LRBA: variants seen among roughly 807,000 people sequenced by gnomAD.
LRBA encodes LPS responsive beige-like anchor protein.
Under a neutral mutation model 330.0 loss-of-function variants are expected in LRBA, and 176 were observed. The observed-to-expected ratio is 0.53, with a 90% CI of 0.47 to 0.60. The LOEUF (loss-of-function observed/expected upper bound fraction) is 0.60. LRBA is among the 20% of genes least tolerant of loss of function. The probability of loss-of-function intolerance (pLI) is 0.00; values close to 1 mark genes in which losing one functional copy is unlikely to be tolerated. For missense variants in LRBA, 3,259 were observed against 3,444.8 expected, an observed-to-expected ratio of 0.95 and a Z score of 1.35; for synonymous variants, 1,230 against 1,193.0, an observed-to-expected ratio of 1.03 and a Z score of -0.64.
intron 36 of LRBA, among the ~76,000 whole-genome samples, chr4:150,703,054 G>A (rs139308480): frequency 5.9e-5 from 9 of 152,254 alleles, no homozygotes; most frequent in African/African-American, 1.2e-4. Context: ...CCAGCTACTC[G>A]GGAGGCTGAG....
chr4:150,383,768 T>C (rs536528330), intron 47 of LRBA, among the ~76,000 whole-genome samples: 12 of 152,132 alleles, frequency 7.9e-5, no homozygotes, highest in Non-Finnish European at 1.8e-4. Flanking sequence ...AAAATGCAAG[T>C]AGCAACTGCT....
intron 37 of LRBA, among the ~76,000 whole-genome samples, chr4:150,671,000 ATGTGTGTGTGTGTGTG>A (rs57937053): frequency 3.7e-5 from 4 of 106,830 alleles, no homozygotes; most frequent in South Asian, 3.5e-4. Flanking sequence ...AACATAGCTG[ATGTGTGTGTGTGTGTG>A]TGTGTGTGTG....
intron 2 of LRBA, among the ~76,000 whole-genome samples, chr4:150,953,968 C>CCGG (rs1737186240): frequency 1.7e-4 from 1 of 5,834 alleles, no homozygotes; most frequent in African/African-American, 2.6e-4. Flanking sequence ...GCGCCTCTGC[C>CCGG]CCGCCACCCC....
At chr4:150,929,086 AC>A (rs1364711890) in intron 2 of LRBA, 21 bp from the exon 3 acceptor site, 3 of 1,459,352 alleles carry the variant, frequency 2.1e-6, no homozygotes, top group Admixed American at 1.7e-5. Flanking sequence ...AAAAAAAAAA[AC>A]ACATTAAAAG....
intron 2 of LRBA, among the ~76,000 whole-genome samples, chr4:150,965,475 T>C (rs1332262954): frequency 1.3e-5 from 2 of 152,200 alleles, no homozygotes; most frequent in Admixed American, 1.3e-4. Context: ...GAAGGATACA[T>C]GAGCTGCTAA....
intron 40 of LRBA, among the ~76,000 whole-genome samples, chr4:150,557,031 C>T (rs1208217866): frequency 6.6e-6 from 1 of 152,124 alleles, no homozygotes; most frequent in Non-Finnish European, 1.5e-5. Flanking sequence ...TAGCATTCTT[C>T]ACTGAAAAGA....
At chr4:150,484,137 T>C (rs1038752885) in intron 42 of LRBA, among the ~76,000 whole-genome samples, 3 of 152,052 alleles carry the variant, frequency 2.0e-5, no homozygotes, top group African/African-American at 7.2e-5. Flanking sequence ...CTGCAGTTCC[T>C]ATTTCTTGAA....
In LRBA at chr4:150,530,048, G is replaced by C. The variant is rs542635352; in HGVS notation, c.6331-39013C>G. Among the ~76,000 whole-genome samples the C allele has an allele frequency of 6.6e-4, 100 of 152,278 alleles. 1 individual carries two copies. Among genetic ancestry groups the C allele is most frequent in the African/African-American group, 2.3e-3 (97 of 41,542 alleles). On this transcript the variant is annotated intron_variant, in intron 40 of 56. Transcript: ENST00000651943. ...TTTGGCAGGAATTAATATTTGAATA[G>C]ATATTTAAATCTTTTGAAATTTAAT...
chr4:150,658,409 T>C (rs546039889), intron 37 of LRBA, among the ~76,000 whole-genome samples: 40 of 150,636 alleles, frequency 2.7e-4, no homozygotes, highest in Middle Eastern at 3.2e-3. Context: ...AAATATGCCT[T>C]CCTGATTGGC....
At chr4:150,939,906 G>GCTGT (rs1230054449) in intron 2 of LRBA, among the ~76,000 whole-genome samples, 3 of 152,030 alleles carry the variant, frequency 2.0e-5, no homozygotes, top group Non-Finnish European at 4.4e-5. Context: ...TACACTAACA[G>GCTGT]GCCAGACTTC....
chr4:150,752,612 C>A (rs1223980177), intron 35 of LRBA, among the ~76,000 whole-genome samples: 1 of 151,954 alleles, frequency 6.6e-6, no homozygotes, highest in Non-Finnish European at 1.5e-5. Flanking sequence ...CACAAGGTAT[C>A]CATATGCTTT....
At position 150,358,071 on chromosome 4, in the gene LRBA, G is replaced by A. The variant is rs147711487; in HGVS notation, c.7195-7912C>T. Among the ~76,000 whole-genome samples, 6 of 152,164 alleles carry A rather than the reference G, an allele frequency of 3.9e-5. No individual in the cohort carries two copies. The East Asian group carries it at 1.2e-3, about 29-fold the overall frequency. ...CCCTTGGCAATATGATGGAATCCAG[G>A]TATGTAACTCTCAGAGGGACTGAGT... On this transcript the variant is annotated intron_variant, in intron 47 of 56. Transcript: ENST00000651943.
chr4:150,842,052 T>A (rs1253444059), intron 28 of LRBA, among the ~76,000 whole-genome samples: 2 of 152,202 alleles, frequency 1.3e-5, no homozygotes, highest in Non-Finnish European at 2.9e-5. Flanking sequence ...AAAACTCCTA[T>A]AAGGTGATTA....
intron 42 of LRBA, among the ~76,000 whole-genome samples, chr4:150,486,830 T>C (rs1355785053): frequency 1.3e-5 from 2 of 151,862 alleles, no homozygotes; most frequent in Non-Finnish European, 2.9e-5. Flanking sequence ...ACCACGATTC[T>C]ACTCTCTACT....
intron 42 of LRBA, 66 bp from the exon 43 acceptor site, chr4:150,471,805 G>A (rs1051800440): frequency 2.0e-5 from 16 of 798,062 alleles, no homozygotes; most frequent in African/African-American, 3.5e-5. Context: ...TGAATTATCT[G>A]TGCTTATTCA....
At chr4:150,666,449 T>C (rs929740669) in intron 37 of LRBA, among the ~76,000 whole-genome samples, 3 of 151,386 alleles carry the variant, frequency 2.0e-5, no homozygotes, top group Non-Finnish European at 2.9e-5. Flanking sequence ...GAGGTGGAGG[T>C]TGCAGTGAGT....
chr4:150,936,550 A>C (rs1329471957), intron 2 of LRBA, among the ~76,000 whole-genome samples: 1 of 152,034 alleles, frequency 6.6e-6, no homozygotes, highest in East Asian at 1.9e-4. Context: ...GCAGAAAAAA[A>C]CAAAAATCTC....
At chr4:150,994,859 G>A (rs1322456161) in intron 2 of LRBA, among the ~76,000 whole-genome samples, 1 of 152,184 alleles carries the variant, frequency 6.6e-6, no homozygotes, top group Non-Finnish European at 1.5e-5. Context: ...TGGCTGAGCT[G>A]AAAGAAAGAA....
chr4:150,714,134 C>A (rs184092865), intron 36 of LRBA, among the ~76,000 whole-genome samples: 9 of 152,292 alleles, frequency 5.9e-5, no homozygotes, highest in Middle Eastern at 3.4e-3. Context: ...ATGGCCACAG[C>A]ATCCAACCAC....
Sources: gnomAD v4.1 joint callset for allele counts (sites outside exome capture counted in the v4.1 genomes callset) on GRCh38, gnomAD v4.1.1 for gene constraint, MANE v1.5 for transcripts, NCBI Gene and HGNC (gene_info 2026-07-23, HGNC 2026-07-21) for gene names.